Variants in MEIG1 observed in about 807,000 individuals in gnomAD.
The protein encoded by MEIG1 is meiosis/spermiogenesis associated 1, also known as meiosis expressed gene 1 protein homolog.
Under a neutral mutation model 11.3 loss-of-function variants are expected in MEIG1, and 12 were observed. The observed-to-expected ratio is 1.07, with a 90% CI of 0.68 to 1.73. The LOEUF (loss-of-function observed/expected upper bound fraction) is 1.73. MEIG1 is among the 40% of genes most tolerant of loss of function. The pLI is 0.00. For synonymous variants in MEIG1, 41 were observed against 33.2 expected (o/e 1.24, Z -0.81); for missense variants, 119 against 104.9 (o/e 1.13, Z -0.59).
chr10:14,986,864 G>A, exon 2 of MEIG1: 1 of 431,720 alleles, frequency 2.3e-6, no homozygotes, highest in Non-Finnish European at 4.4e-6. Context: ...CAGCGACTCA[G>A]CCTCCCAGAG....
chr10:14,977,557 T>A (rs970175221), downstream of MEIG1, among the ~76,000 whole-genome samples: 2 of 151,904 alleles, frequency 1.3e-5, no homozygotes, highest in African/African-American at 4.8e-5. Flanking sequence ...TAGAGAGATA[T>A]TACTTTAAAT....
At chr10:14,980,734 A>T (rs1426657695) in intron 1 of MEIG1, among the ~76,000 whole-genome samples, 1 of 152,100 alleles carries the variant, frequency 6.6e-6, no homozygotes, top group East Asian at 1.9e-4. Context: ...ATGGTGGGGG[A>T]GTTCTTGAAC....
chr10:14,954,357 A>T, the MEIG1 span: 2 of 399,330 alleles, frequency 5.0e-6, no homozygotes, highest in Admixed American at 7.2e-5. Flanking sequence ...GGAAATCGAA[A>T]CTCCCAGAGC....
upstream of MEIG1, among the ~76,000 whole-genome samples, chr10:14,957,815 CT>C (rs772854357): frequency 1.9e-4 from 29 of 152,012 alleles, no homozygotes; most frequent in Non-Finnish European, 3.5e-4. Context: ...CCAGCTAGTT[CT>C]TTTGTATTTT....
chr10:14,959,627 C>T (rs1842988413), intron 1 of MEIG1, 70 bp downstream of exon 1: 1 of 152,410 alleles, frequency 6.6e-6, no homozygotes, highest in Non-Finnish European at 1.5e-5. Context: ...TAGCCCCACC[C>T]CGGAAGTTCT....
At chr10:14,977,671 G>A (rs1020821952), downstream of MEIG1, among the ~76,000 whole-genome samples, 1 of 151,622 alleles carries the variant, frequency 6.6e-6, no homozygotes, top group Non-Finnish European at 1.5e-5. Flanking sequence ...CCCCATGTGG[G>A]TATACCCTGT....
downstream of MEIG1, among the ~76,000 whole-genome samples, chr10:14,976,042 C>G (rs1021483884): frequency 6.6e-6 from 1 of 152,110 alleles, no homozygotes; most frequent in Non-Finnish European, 1.5e-5. Context: ...TCCTAATATC[C>G]AGGGGGGGAC....
rs572550840 is a variant in MEIG1, at chr10:14,987,188, G to A, written n.285+174G>A. 1.0e-4 allele frequency: 99 copies of A among 972,950 alleles called. No individual in the cohort carries two copies. The African/African-American group carries it at 1.3e-3, about 13-fold the overall frequency. 60.3% of individuals were successfully genotyped at this position (972,950 alleles called of 1,614,324 possible). On this transcript the variant is annotated intron_variant and non_coding_transcript_variant, in intron 2 of 2. Coordinates refer to the MEIG1 transcript ENST00000467536. ...TCTGCTATGCGACTGCATGTCCACA[G>A]TCACCTTGGGAACCGTGGCCGAAGT...
chr10:14,979,205 AT>A (rs1843240393), intron 1 of MEIG1, among the ~76,000 whole-genome samples: 1 of 151,796 alleles, frequency 6.6e-6, no homozygotes, highest in South Asian at 2.1e-4. Flanking sequence ...ACGCTGTGAT[AT>A]TACCCGTGAT....
chr10:14,966,805 A>G (rs1451562947), intron 2 of MEIG1, among the ~76,000 whole-genome samples, 199 bp downstream of exon 2: 9 of 151,968 alleles, frequency 5.9e-5, no homozygotes, highest in Admixed American at 5.9e-4. Context: ...CAGTGACGCA[A>G]TCTCGGCACA....
upstream of MEIG1, among the ~76,000 whole-genome samples, chr10:14,956,761 A>G (rs1443136463): frequency 6.6e-6 from 1 of 152,096 alleles, no homozygotes; most frequent in East Asian, 1.9e-4. Flanking sequence ...TACAGTAGTG[A>G]GCAAAGTAGA....
intron 1 of MEIG1, among the ~76,000 whole-genome samples, chr10:14,981,514 G>A (rs7898700): frequency 6.6e-6 from 1 of 152,142 alleles, no homozygotes; most frequent in Admixed American, 6.5e-5. Context: ...GATGTCAAGA[G>A]TCTTTTTGGA....
At chr10:14,982,055 G>A (rs548794246) in intron 1 of MEIG1, among the ~76,000 whole-genome samples, 2 of 152,262 alleles carry the variant, frequency 1.3e-5, no homozygotes, top group African/African-American at 4.8e-5. Flanking sequence ...AAGGTCTTCC[G>A]CGCTTTGATG....
intron 2 of MEIG1, among the ~76,000 whole-genome samples, chr10:14,969,217 G>T (rs1227429209): frequency 2.0e-5 from 3 of 152,042 alleles, no homozygotes; most frequent in Non-Finnish European, 4.4e-5. Context: ...GAGGCTGAGG[G>T]TGAAGGATTG....
At position 14,971,216 on chromosome 10, in the gene MEIG1, G is replaced by GATAATA. The variant is rs55964936; in HGVS notation, c.139-1280_139-1275dup. ...AACCTCGGCAACATATAATAATAAT[G>GATAATA]ATAATAATAATAATAATAATAACAA... is the stretch of plus-strand genomic sequence containing the variant. On this transcript the variant is annotated intron_variant, in intron 2 of 2. Coordinates refer to ENST00000407572, the MANE Select transcript of MEIG1 (RefSeq NM_001080836.3). 3.4e-3 allele frequency among the ~76,000 whole-genome samples: 482 copies of GATAATA among 143,646 alleles called. 1 individual carries two copies. The highest frequency in any genetic ancestry group is 7.2e-3 in the Middle Eastern group (2 of 276). The allele number at this position is 143,646 out of a possible 152,430, so 94.2% of individuals were successfully genotyped here.
At chr10:14,974,895 A>C (rs534174598), downstream of MEIG1, among the ~76,000 whole-genome samples, 58 of 152,156 alleles carry the variant, frequency 3.8e-4, no homozygotes, top group South Asian at 4.6e-3. Context: ...ATAGATATTC[A>C]TGTTAATAAT....
At chr10:14,961,671 G>GTTTTTT (rs1843015370) in intron 1 of MEIG1, among the ~76,000 whole-genome samples, 2 of 48,094 alleles carry the variant, frequency 4.2e-5, no homozygotes, top group Non-Finnish European at 5.7e-5. Context: ...GTAGAGACAG[G>GTTTTTT]TTTTCACCAG....
intron 1 of MEIG1, among the ~76,000 whole-genome samples, chr10:14,985,711 G>A (rs923703797): frequency 1.1e-4 from 16 of 151,956 alleles, no homozygotes; most frequent in African/African-American, 3.6e-4. Context: ...ACCTTGTGAC[G>A]TGATCTGCAA....
rs551210701 is a variant in MEIG1, at chr10:14,962,756, T to A, written c.-30+3199T>A. 3.6e-4 allele frequency among the ~76,000 whole-genome samples: 55 copies of A among 151,986 alleles called. 1 individual carries two copies. In the South Asian group the frequency reaches 6.8e-3, roughly 19 times the overall value. On this transcript the variant is annotated intron_variant, in intron 1 of 2. Coordinates refer to ENST00000407572, the MANE Select transcript of MEIG1 (RefSeq NM_001080836.3). ...TAAATTCATATAAAAATATGACTAA[T>A]TTGGAATTTTTTTTTTTTTTCTTTT...
Sources: allele counts gnomAD v4.1 joint callset (sites outside exome capture counted in the v4.1 genomes callset), GRCh38; gene constraint gnomAD v4.1.1; transcripts MANE v1.5; gene names NCBI Gene and HGNC (gene_info 2026-07-23, HGNC 2026-07-21).